CRISPLD1: variants seen among roughly 807,000 people sequenced by gnomAD.
CRISPLD1 encodes the protein cysteine-rich secretory protein LCCL domain-containing 1.
A neutral mutation model predicts 77.5 loss-of-function variants in CRISPLD1; 60 were observed. The observed-to-expected ratio is 0.77, with a 90% CI of 0.63 to 0.96. The LOEUF (loss-of-function observed/expected upper bound fraction) is 0.96. Among genes scored for constraint, CRISPLD1 ranks in the 40% least tolerant of loss-of-function variants. CRISPLD1 has a pLI of 0.00. For synonymous variants in CRISPLD1, 195 were observed against 200.1 expected, an observed-to-expected ratio of 0.97 and a Z score of 0.22; for missense variants, 623 against 615.8, an observed-to-expected ratio of 1.01 and a Z score of -0.12.
At chr8:74,995,120 T>C (rs1296528817) in intron 2 of CRISPLD1, among the ~76,000 whole-genome samples, 1 of 152,038 alleles carries the variant, frequency 6.6e-6, no homozygotes, top group Non-Finnish European at 1.5e-5. Context: ...TGAGTATAGA[T>C]AGAGATGTTC....
At chr8:75,010,322 C>A (rs899881054) in intron 2 of CRISPLD1, among the ~76,000 whole-genome samples, 15 of 152,148 alleles carry the variant, frequency 9.9e-5, no homozygotes, top group African/African-American at 3.6e-4. Context: ...TTTTTACATG[C>A]CTCTTTGTCC....
At chr8:75,022,542 T>C (rs60929233) in intron 12 of CRISPLD1, among the ~76,000 whole-genome samples, 63,309 of 149,408 alleles carry the variant, frequency 0.42, 15,878 homozygotes, top group African/African-American at 0.72. Flanking sequence ...GAGCTGAGAT[T>C]GCGCCACTGC....
In CRISPLD1 at chr8:75,017,426, A is replaced by G. The variant is rs189810794; in HGVS notation, c.1103A>G (p.Asn368Ser). 3.2e-5 allele frequency: 51 copies of G among 1,606,590 alleles called. No individual in the cohort carries two copies. Among genetic ancestry groups the G allele is most frequent in the African/African-American group, 1.1e-4 (8 of 74,594 alleles). The change falls in exon 10 of 15, where the codon AAT (asparagine) becomes AGT (serine). Residue 368 changes from asparagine (N) to serine (S), a missense_variant. Asn to Ser is a conservative substitution (Grantham distance 46). Transcript: ENST00000262207. ...AGAAAGCATTATTTCATCAAGTCCA[A>G]TAGAAATGGTATTCAAACAATTGGG... ...QGRKHYFIKS[N>S]RNGIQTIGKY... is the part of the protein sequence containing the mutation.
At chr8:75,016,252 G>T (rs779388004) in intron 6 of CRISPLD1, among the ~76,000 whole-genome samples, 1 of 152,072 alleles carries the variant, frequency 6.6e-6, no homozygotes, top group African/African-American at 2.4e-5. Flanking sequence ...TTAGATCACT[G>T]TGTAGATTTC....
chr8:75,012,046 T>A (rs1812940835), intron 2 of CRISPLD1, among the ~76,000 whole-genome samples: 1 of 152,082 alleles, frequency 6.6e-6, no homozygotes, highest in Non-Finnish European at 1.5e-5. Context: ...GGGAGAAGGT[T>A]GCTTAGGGAG....
At chr8:75,012,642 G>A in intron 3 of CRISPLD1, 91 bp downstream of exon 3, 1 of 941,196 alleles carries the variant, frequency 1.1e-6, no homozygotes, top group South Asian at 1.5e-5. Flanking sequence ...TCAAAGACTT[G>A]GTGCCTGAAA....
intron 13 of CRISPLD1, 143 bp downstream of exon 13, chr8:75,025,764 C>A: frequency 2.7e-6 from 1 of 370,716 alleles, no homozygotes; most frequent in South Asian, 7.5e-5. Flanking sequence ...GTTAAACATC[C>A]ATATCACTGA....
At chr8:75,031,185 G>A (rs2128789763) in intron 14 of CRISPLD1, among the ~76,000 whole-genome samples, 1 of 152,198 alleles carries the variant, frequency 6.6e-6, no homozygotes, top group Non-Finnish European at 1.5e-5. Context: ...ATGCACATGT[G>A]TGTATATGTT....
At chr8:75,010,078 A>G (rs991917827) in intron 2 of CRISPLD1, among the ~76,000 whole-genome samples, 1 of 152,110 alleles carries the variant, frequency 6.6e-6, no homozygotes, top group African/African-American at 2.4e-5. Flanking sequence ...ACTTTTATGA[A>G]AAGCAGCAAC....
At chr8:75,007,443 CA>C (rs61477701) in intron 2 of CRISPLD1, among the ~76,000 whole-genome samples, 65,286 of 151,784 alleles carry the variant, frequency 0.43, 16,903 homozygotes, top group African/African-American at 0.74. Flanking sequence ...AGTGGGAGCT[CA>C]ACTCATGTTT....
At chr8:75,005,366 T>C (rs1587011846) in intron 2 of CRISPLD1, among the ~76,000 whole-genome samples, 1 of 151,822 alleles carries the variant, frequency 6.6e-6, no homozygotes, top group Admixed American at 6.6e-5. Flanking sequence ...GATAAGGAAA[T>C]AGAAACCAAA....
In CRISPLD1 at chr8:75,017,107, T is replaced by C. The variant is rs1813045311; in HGVS notation, c.990T>C (p.Tyr330=). Residue 330 remains tyrosine (Y), a synonymous_variant, in exon 9 of 15, where the codon TAT becomes TAC. Transcript: ENST00000262207. ...SKAKVIGSVH[Y]EMQSSICRAA... ...CTAAAGTTATTGGCAGTGTACATTA[T>C]GAAATGGTAAGTGTTATAAATGTAA... The C allele has an allele frequency of 3.1e-6, 5 of 1,610,048 alleles. No homozygotes were observed. The highest frequency in any genetic ancestry group is 4.2e-6 in the Non-Finnish European group (5 of 1,176,840).
At position 75,003,938 on chromosome 8, in the gene CRISPLD1, T is replaced by C. The variant is rs570517976; in HGVS notation, c.259-8495T>C. Among the ~76,000 whole-genome samples, 7 of 152,326 alleles carry C rather than the reference T, an allele frequency of 4.6e-5. No individual in the cohort carries two copies. The South Asian group carries it at 1.4e-3, about 32-fold the overall frequency. ...ATATTAAATGTGATATATTTATATA[T>C]TGATACAATGGGTTTAATTGAAATA... On this transcript the variant is annotated intron_variant, in intron 2 of 14. Transcript: ENST00000262207.
Position 75,019,990 on chromosome 8 carries a change from G to C in CRISPLD1, c.1172-17G>C, listed in dbSNP as rs1478049002. ...TTTCAAAGGATTCACTCATTGTTTT[G>C]TGTTTTAATTCTTCAGTTCAGGCTG... is the stretch of plus-strand genomic sequence containing the variant. On this transcript the variant is annotated splice_polypyrimidine_tract_variant and intron_variant, in intron 11 of 14. Coordinates refer to ENST00000262207, the MANE Select transcript of CRISPLD1 (RefSeq NM_031461.6). 1.9e-6 allele frequency: 3 copies of C among 1,613,706 alleles called. No individual in the cohort carries two copies. Among genetic ancestry groups the C allele is most frequent in the Non-Finnish European group, 2.5e-6 (3 of 1,179,650 alleles).
At chr8:74,997,668 G>A (rs1277768004) in intron 2 of CRISPLD1, among the ~76,000 whole-genome samples, 2 of 152,252 alleles carry the variant, frequency 1.3e-5, no homozygotes, top group East Asian at 3.9e-4. Context: ...TAGAGGTTGA[G>A]CCGAAAGAAG....
At chr8:74,991,194 T>C (rs6995560) in intron 2 of CRISPLD1, among the ~76,000 whole-genome samples, 66,528 of 151,830 alleles carry the variant, frequency 0.44, 17,316 homozygotes, top group African/African-American at 0.74. Flanking sequence ...TGGAGTTTCA[T>C]CATGTTGGGC....
intron 13 of CRISPLD1, among the ~76,000 whole-genome samples, chr8:75,025,966 CA>C (rs1286129662): frequency 6.6e-6 from 1 of 152,050 alleles, no homozygotes; most frequent in Non-Finnish European, 1.5e-5. Flanking sequence ...AAGAATTTGT[CA>C]AAAGTTGAAA....
chr8:74,988,749 C>T (rs981750715), intron 2 of CRISPLD1, among the ~76,000 whole-genome samples: 2 of 152,054 alleles, frequency 1.3e-5, no homozygotes, highest in African/African-American at 2.4e-5. Flanking sequence ...GCACCAGAAT[C>T]GCTTGAACCC....
At chr8:75,021,667 A>G (rs1813138436) in intron 12 of CRISPLD1, among the ~76,000 whole-genome samples, 1 of 152,194 alleles carries the variant, frequency 6.6e-6, no homozygotes, top group East Asian at 1.9e-4. Flanking sequence ...TGATTAGATC[A>G]TTGTTTGCTC....
Sources: gnomAD v4.1 joint callset for allele counts (sites outside exome capture counted in the v4.1 genomes callset) on GRCh38, gnomAD v4.1.1 for gene constraint, MANE v1.5 for transcripts, NCBI Gene and HGNC (gene_info 2026-07-23, HGNC 2026-07-21) for gene names.